The following CDC34 variants were observed in gnomAD, a reference collection of about 807,000 sequenced individuals.
The protein encoded by CDC34 is ubiquitin-conjugating enzyme E2 R1.
A neutral mutation model predicts 26.8 loss-of-function variants in CDC34; 18 were observed. That is an observed-to-expected ratio of 0.67 (90% CI 0.47 to 1.00). The LOEUF (loss-of-function observed/expected upper bound fraction) is 1.00. Among genes scored for constraint, CDC34 ranks in the 50% least tolerant of loss-of-function variants. CDC34 has a pLI of 0.00. For synonymous variants in CDC34, 178 were observed against 147.5 expected (o/e 1.21, Z -1.50); for missense variants, 280 against 334.5 (o/e 0.84, Z 1.27).
At chr19:532,678 C>T (rs1265569976) in intron 1 of CDC34, among the ~76,000 whole-genome samples, 1 of 152,250 alleles carries the variant, frequency 6.6e-6, no homozygotes, top group Non-Finnish European at 1.5e-5. Flanking sequence ...CCAACAAAGG[C>T]CCGGATGAGC....
intron 3 of CDC34, 196 bp downstream of exon 3, chr19:536,536 C>T (rs892201): frequency 0.91 from 537,841 of 591,656 alleles, 245,517 homozygotes; most frequent in East Asian, 1. Context: ...CCTGCGGCAC[C>T]GTGTGTCGGT....
chr19:541,477 G>A lies in CDC34; in HGVS notation c.636G>A (p.Glu212=), dbSNP rs1302352352. Residue 212 remains glutamate (E), a synonymous_variant, in exon 5 of 5, where the codon GAG becomes GAA. Transcript: ENST00000215574. ...ACCTCTTCTACGACGACTACTACGA[G>A]GACGGCGAGGTGGAGGAGGAGGCCG... ...GSDLFYDDYY[E]DGEVEEEADS... The A allele has an allele frequency of 6.2e-7, 1 of 1,611,918 alleles. No individual in the cohort carries two copies. The highest frequency in any genetic ancestry group is 1.3e-5 in the African/African-American group (1 of 74,902).
At chr19:536,925 C>T (rs776172372) in intron 3 of CDC34, 88 bp from the exon 4 acceptor site, 5 of 1,504,960 alleles carry the variant, frequency 3.3e-6, no homozygotes, top group East Asian at 4.5e-5. Flanking sequence ...TGGGTGGGTC[C>T]AGGCGTCCCC....
intron 1 of CDC34, among the ~76,000 whole-genome samples, chr19:534,856 CT>C (rs72363216): frequency 0.01 from 497 of 47,916 alleles, 22 homozygotes; most frequent in African/African-American, 0.035. Flanking sequence ...CCAAGACCCC[CT>C]GAGTGCCCTC....
At chr19:536,868 G>T in intron 3 of CDC34, 145 bp from the exon 4 acceptor site, 1 of 835,444 alleles carries the variant, frequency 1.2e-6, no homozygotes, top group Non-Finnish European at 1.9e-6. Context: ...TGTTCTGGGG[G>T]CCTGAGACAG....
chr19:532,202 C>A, intron 1 of CDC34, 94 bp downstream of exon 1: 1 of 1,051,928 alleles, frequency 9.5e-7, no homozygotes, highest in Non-Finnish European at 1.3e-6. Context: ...AGCGCTGTTG[C>A]TGGGCGGGCC....
chr19:536,437 A>G (rs2396295), intron 3 of CDC34, 97 bp downstream of exon 3: 872,270 of 953,420 alleles, frequency 0.91, 400,243 homozygotes, highest in East Asian at 1. Flanking sequence ...GGGCTCCCCC[A>G]CAGGCTGTGG....
At position 536,506 on chromosome 19, in the gene CDC34, C is replaced by T. The variant is rs558283840; in HGVS notation, c.362+166C>T. ...GGTCCTGGGCCTCGCTGTACCTGCA[C>T]GGTAGGTGCTTTCACGGGGCCTGCG... On this transcript the variant is annotated intron_variant, in intron 3 of 4. Coordinates refer to ENST00000215574, the MANE Select transcript of CDC34 (RefSeq NM_004359.2). The T allele has an allele frequency of 1.2e-4, 71 of 609,958 alleles. 2 individuals are homozygous for T. Among genetic ancestry groups the T allele is most frequent in the East Asian group, 1.0e-3 (36 of 36,174 alleles). The allele number at this position is 609,958 out of a possible 1,614,324, so 37.8% of individuals were successfully genotyped here.
chr19:536,566 C>T (rs17841755), intron 3 of CDC34: 679 of 582,544 alleles, frequency 1.2e-3, no homozygotes, highest in Non-Finnish European at 1.8e-3. Context: ...CACCAGGACC[C>T]CAGGCCGGCC....
At chr19:539,083 C>G in intron 4 of CDC34, 2 of 899,994 alleles carry the variant, frequency 2.2e-6, no homozygotes, top group Non-Finnish European at 2.7e-6. Context: ...CTGCTGTGGT[C>G]GCCGTTTCTG....
chr19:534,054 G>A (rs570191489), intron 1 of CDC34, among the ~76,000 whole-genome samples: 9 of 152,268 alleles, frequency 5.9e-5, no homozygotes, highest in Non-Finnish European at 1.2e-4. Context: ...GGTTTGCTCC[G>A]GGGAAAAGAC....
intron 1 of CDC34, among the ~76,000 whole-genome samples, chr19:535,182 C>T (rs1165544999): frequency 2.6e-5 from 4 of 152,228 alleles, no homozygotes; most frequent in Non-Finnish European, 5.9e-5. Context: ...TCTGGACCTC[C>T]AGGGCCTGGG....
Position 532,105 on chromosome 19 carries a change from C to A in CDC34, c.174C>A (p.Phe58Leu). ...PPNTYYEGGY[F>L]KARLKFPIDY... ...ACACCTACTACGAGGGCGGCTACTT[C>A]AAGGTGAGCGCGGCGACCCCCGCCC... The change falls in exon 1 of 5, where the codon TTC becomes TTA. Residue 58 changes from phenylalanine to leucine, a missense_variant. Coordinates refer to ENST00000215574, the MANE Select transcript of CDC34 (RefSeq NM_004359.2). 1 of 1,507,110 alleles carries A rather than the reference C, an allele frequency of 6.6e-7. No individual in the cohort carries two copies. Among genetic ancestry groups the A allele is most frequent in the South Asian group, 1.3e-5 (1 of 75,064 alleles). 93.4% of individuals were successfully genotyped at this position (1,507,110 alleles called of 1,614,324 possible).
intron 1 of CDC34, among the ~76,000 whole-genome samples, chr19:535,077 C>T (rs140398542): frequency 4.6e-5 from 7 of 152,356 alleles, no homozygotes; most frequent in Admixed American, 1.3e-4. Context: ...CCAGGAGGGC[C>T]GTGGGTGGCA....
intron 4 of CDC34, 57 bp from the exon 5 acceptor site, chr19:541,282 G>A (rs757821021): frequency 1.1e-5 from 16 of 1,468,642 alleles, no homozygotes; most frequent in Non-Finnish European, 9.9e-6. Flanking sequence ...GAGGGGGGCC[G>A]GGCAGGGGCC....
At chr19:536,739 G>C in intron 3 of CDC34, 1 of 557,242 alleles carries the variant, frequency 1.8e-6, no homozygotes, top group Non-Finnish European at 3.2e-6. Context: ...CTGGAGTGTA[G>C]TCTAGGCAGG....
At chr19:536,983 C>T (rs955554286) in intron 3 of CDC34, 30 bp from the exon 4 acceptor site, 14 of 1,612,622 alleles carry the variant, frequency 8.7e-6, no homozygotes, top group Non-Finnish European at 1.2e-5. Flanking sequence ...GTGCCCCGGG[C>T]CGCCCCACTC....
intron 4 of CDC34, among the ~76,000 whole-genome samples, chr19:540,823 C>T (rs111982875): frequency 0.012 from 814 of 66,592 alleles, 166 homozygotes; most frequent in African/African-American, 0.043. Context: ...ATCCGGAGGC[C>T]GGGGTGGCCA....
Position 537,081 on chromosome 19 carries a change from C to A in CDC34, c.431C>A (p.Ala144Asp). 1 of 1,613,870 alleles carries A rather than the reference C, an allele frequency of 6.2e-7. No homozygotes were observed. The highest frequency in any genetic ancestry group is 8.5e-7 in the Non-Finnish European group (1 of 1,179,954). ...ACCTTCTCGCCCGCAAACGTGGACG[C>A]CTCCGTGATGTACAGGAAGTGGAAA... ...PNTFSPANVD[A>D]SVMYRKWKES... Residue 144 changes from alanine to aspartate, a missense_variant, in exon 4 of 5, where the codon GCC (alanine) becomes GAC (aspartate). Ala to Asp is a moderately radical substitution (Grantham distance 126). Coordinates refer to ENST00000215574, the MANE Select transcript of CDC34 (RefSeq NM_004359.2).
Sources: gnomAD v4.1 joint callset for allele counts (sites outside exome capture counted in the v4.1 genomes callset) on GRCh38, gnomAD v4.1.1 for gene constraint, MANE v1.5 for transcripts, NCBI Gene and HGNC (gene_info 2026-07-23, HGNC 2026-07-21) for gene names.